The following FOXN3 variants were observed in gnomAD, a reference collection of about 807,000 sequenced individuals.
FOXN3 encodes forkhead box N3.
Under a neutral mutation model 38.4 loss-of-function variants are expected in FOXN3, and 7 were observed. The ratio of observed to expected loss-of-function variants is 0.18; its 90% CI spans 0.10 to 0.34. The LOEUF (loss-of-function observed/expected upper bound fraction) is 0.34, where lower values mean the gene tolerates loss of function less well. FOXN3 is among the 10% of genes least tolerant of loss of function. The pLI, the probability that FOXN3 is intolerant of heterozygous loss-of-function variation, is 1.00. For missense variants in FOXN3, 456 were observed against 613.4 expected, an observed-to-expected ratio of 0.74 and a Z score of 2.71; for synonymous variants, 230 against 242.2, an observed-to-expected ratio of 0.95 and a Z score of 0.47.
chr14:89,552,237 G>A (rs1306848777), intron 1 of FOXN3, among the ~76,000 whole-genome samples: 2 of 152,172 alleles, frequency 1.3e-5, no homozygotes, highest in Non-Finnish European at 2.9e-5. Flanking sequence ...TTTTGTGAAG[G>A]ATATAACTAT....
chr14:89,490,176 G>A (rs530325082), intron 1 of FOXN3, among the ~76,000 whole-genome samples: 1 of 152,220 alleles, frequency 6.6e-6, no homozygotes, highest in South Asian at 2.1e-4. Flanking sequence ...TCTTTTTAAG[G>A]GTCTGAACTT....
intron 1 of FOXN3, among the ~76,000 whole-genome samples, chr14:89,569,061 C>T (rs1335811747): frequency 3.3e-5 from 5 of 152,206 alleles, no homozygotes; most frequent in Admixed American, 1.3e-4. Context: ...AAATATTAGC[C>T]GGGCGTGGTG....
intron 1 of FOXN3, among the ~76,000 whole-genome samples, chr14:89,579,787 A>G (rs1240913424): frequency 2.0e-5 from 3 of 152,154 alleles, no homozygotes; most frequent in Non-Finnish European, 4.4e-5. Context: ...TTTACCCTGC[A>G]TGATTATCTC....
At chr14:89,501,891 T>C (rs1490914453) in intron 1 of FOXN3, among the ~76,000 whole-genome samples, 1 of 151,566 alleles carries the variant, frequency 6.6e-6, no homozygotes, top group East Asian at 1.9e-4. Context: ...TACGGCCAGG[T>C]GCGATGGCTC....
intron 3 of FOXN3, among the ~76,000 whole-genome samples, chr14:89,289,995 G>A (rs760965064): frequency 3.9e-5 from 6 of 152,168 alleles, no homozygotes; most frequent in Middle Eastern, 3.4e-3. Flanking sequence ...AAGTCACCAC[G>A]TGGAACTAAA....
Position 89,280,168 on chromosome 14 carries a change from C to T in FOXN3, c.745+782G>A, listed in dbSNP as rs1886416923. Among the ~76,000 whole-genome samples the T allele has an allele frequency of 2.6e-5, 4 of 152,176 alleles. No individual in the cohort carries two copies. In the South Asian group the frequency reaches 8.3e-4, roughly 32 times the overall value. ...CGAAGGCCCCGGGAACCACTCAATTCCATTTTATTTACAGAACAGATATCC... is the reference window on the plus strand; with the variant it reads ...CGAAGGCCCCGGGAACCACTCAATTTCATTTTATTTACAGAACAGATATCC... On this transcript the variant is annotated intron_variant, in intron 4 of 5. Transcript: ENST00000557258.
intron 2 of FOXN3, among the ~76,000 whole-genome samples, chr14:89,403,714 A>G (rs1205498722): frequency 6.6e-6 from 1 of 152,244 alleles, no homozygotes; most frequent in African/African-American, 2.4e-5. Context: ...ACCAAAGAGA[A>G]TGCAACATTT....
chr14:89,584,375 TG>T (rs1259863073), intron 1 of FOXN3, among the ~76,000 whole-genome samples: 1 of 152,100 alleles, frequency 6.6e-6, no homozygotes. Context: ...TACGCCAGCC[TG>T]GGCGACCCAG....
intron 1 of FOXN3, among the ~76,000 whole-genome samples, chr14:89,616,225 G>C (rs1896489938): frequency 6.6e-6 from 1 of 151,850 alleles, no homozygotes; most frequent in African/African-American, 2.4e-5. Flanking sequence ...CTAGGGGGAG[G>C]GGAGGTCTCC....
intron 4 of FOXN3, among the ~76,000 whole-genome samples, chr14:89,200,258 A>G (rs1480526375): frequency 1.3e-5 from 2 of 152,202 alleles, no homozygotes; most frequent in African/African-American, 4.8e-5. Context: ...ATCACAGTGA[A>G]CCCTGCAAAT....
intron 1 of FOXN3, among the ~76,000 whole-genome samples, chr14:89,437,482 C>T (rs148679906): frequency 1.4e-4 from 22 of 152,228 alleles, no homozygotes; most frequent in African/African-American, 5.1e-4. Flanking sequence ...ATGTCAGAGG[C>T]GTGTGAACCA....
intron 1 of FOXN3, among the ~76,000 whole-genome samples, chr14:89,452,990 G>C (rs770282592): frequency 1.3e-5 from 2 of 151,970 alleles, no homozygotes; most frequent in Non-Finnish European, 2.9e-5. Flanking sequence ...TCTGAGGTCA[G>C]GAGTTCCAGA....
At position 89,350,767 on chromosome 14, in the gene FOXN3, A is replaced by G. The variant is rs778472008; in HGVS notation, c.585T>C (p.Tyr195=). ...TCAAAGCCTGAATTAGATTTTGTCT[A>G]TACTCTGGGTCTATGCACCACAACG... is the stretch of plus-strand genomic sequence containing the variant. ...KGSLWCIDPE[Y]RQNLIQALKK... Residue 195 remains tyrosine, a synonymous_variant, in exon 3 of 6, where the codon TAT becomes TAC. Transcript: ENST00000557258. 38 of 1,603,026 alleles carry G rather than the reference A, an allele frequency of 2.4e-5. No homozygotes were observed. Among genetic ancestry groups the G allele is most frequent in the Non-Finnish European group, 2.7e-5 (32 of 1,176,066 alleles).
intron 3 of FOXN3, chr14:89,284,651 C>T (rs1886563299): frequency 6.8e-6 from 3 of 444,394 alleles, no homozygotes; most frequent in East Asian, 7.0e-5. Flanking sequence ...AACAATACAA[C>T]GCCAGTGCCA....
intron 4 of FOXN3, among the ~76,000 whole-genome samples, chr14:89,188,908 A>T (rs1887875664): frequency 6.6e-6 from 1 of 152,026 alleles, no homozygotes; most frequent in Non-Finnish European, 1.5e-5. Context: ...TAAAAACCAC[A>T]CTCCAGGTTA....
intron 4 of FOXN3, among the ~76,000 whole-genome samples, chr14:89,250,865 GCT>G (rs1416333041): frequency 6.6e-6 from 1 of 152,102 alleles, no homozygotes; most frequent in African/African-American, 2.4e-5. Context: ...CCCTGCACAT[GCT>G]CTCTCTCTTG....
chr14:89,401,922 G>T (rs1891260222), intron 2 of FOXN3, among the ~76,000 whole-genome samples: 1 of 152,148 alleles, frequency 6.6e-6, no homozygotes, highest in Non-Finnish European at 1.5e-5. Context: ...TTTCCCCTGG[G>T]AAGCGTATAG....
intron 1 of FOXN3, among the ~76,000 whole-genome samples, chr14:89,499,525 G>A (rs1031362628): frequency 2.0e-5 from 3 of 151,238 alleles, no homozygotes; most frequent in African/African-American, 7.3e-5. Context: ...AGCCTTCTAA[G>A]GGCCTACCCA....
chr14:89,195,399 G>T (rs573909526), intron 4 of FOXN3, among the ~76,000 whole-genome samples: 1 of 152,238 alleles, frequency 6.6e-6, no homozygotes, highest in Non-Finnish European at 1.5e-5. Context: ...GGTCAAGAGA[G>T]ACTACTGGTG....
Sources: allele counts gnomAD v4.1 joint callset (sites outside exome capture counted in the v4.1 genomes callset), GRCh38; gene constraint gnomAD v4.1.1; transcripts MANE v1.5; gene names NCBI Gene and HGNC (gene_info 2026-07-23, HGNC 2026-07-21).